The following TBC1D16 variants were observed in gnomAD, a reference collection of about 807,000 sequenced individuals.
The protein encoded by TBC1D16 is CTD-2529O21.1.
TBC1D16 carries 58 observed loss-of-function variants against 74.7 expected under a neutral mutation model. The ratio of observed to expected loss-of-function variants is 0.78; its 90% CI spans 0.63 to 0.97. TBC1D16 has a LOEUF of 0.97. Among genes scored for constraint, TBC1D16 ranks in the 50% least tolerant of loss-of-function variants. TBC1D16 has a pLI of 0.00. For synonymous variants in TBC1D16, 493 were observed against 474.7 expected, an observed-to-expected ratio of 1.04 and a Z score of -0.50; for missense variants, 1,014 against 1,079.5, an observed-to-expected ratio of 0.94 and a Z score of 0.85.
intron 3 of TBC1D16, among the ~76,000 whole-genome samples, chr17:79,978,111 G>T (rs1453842648): frequency 6.6e-6 from 1 of 152,170 alleles, no homozygotes; most frequent in East Asian, 1.9e-4. Flanking sequence ...GGTCGAGCTC[G>T]GGAGCGCCGA....
chr17:79,955,053 G>A (rs568952666), intron 3 of TBC1D16, among the ~76,000 whole-genome samples: 33 of 152,216 alleles, frequency 2.2e-4, no homozygotes, highest in African/African-American at 7.2e-4. Context: ...GGACACAGGG[G>A]CCACCACACA....
intron 1 of TBC1D16, among the ~76,000 whole-genome samples, chr17:80,023,480 AC>A (rs1326564301): frequency 6.7e-6 from 1 of 150,018 alleles, no homozygotes; most frequent in Non-Finnish European, 1.5e-5. Flanking sequence ...GCGGAGGCCC[AC>A]AGCCCCTGCG....
intron 3 of TBC1D16, among the ~76,000 whole-genome samples, chr17:79,997,142 G>A (rs7209428): frequency 0.33 from 50,147 of 151,906 alleles, 8,516 homozygotes; most frequent in Middle Eastern, 0.41. Flanking sequence ...GTGGTTCTGC[G>A]TCTAGCTAGT....
rs372336771 is a variant in TBC1D16 at position 80,026,408 on chromosome 17, G to A, written c.-63+9387C>T. ...CCACTGCACTCCAGCCTGGGTGACA[G>A]AGGGAGACTCTCTCTCCAAAACAAA... On this transcript the variant is annotated intron_variant, in intron 1 of 11. Coordinates refer to ENST00000310924, the MANE Select transcript of TBC1D16 (RefSeq NM_019020.4). Among the ~76,000 whole-genome samples the A allele has an allele frequency of 8.0e-4, 120 of 150,156 alleles. 5 individuals are homozygous for A. The East Asian group carries it at 0.019, about 24-fold the overall frequency.
intron 1 of TBC1D16, among the ~76,000 whole-genome samples, chr17:80,029,946 G>A (rs564853051): frequency 1.3e-5 from 2 of 152,006 alleles, no homozygotes; most frequent in Admixed American, 1.3e-4. Flanking sequence ...CCTTGCTCTC[G>A]ACCCCTTCCT....
Position 79,952,692 on chromosome 17 carries a change from G to A in TBC1D16, c.906C>T (p.Asp302=), listed in dbSNP as rs4889804. The change falls in exon 4 of 12, where the codon GAC becomes GAT. Residue 302 remains aspartate (D), a synonymous_variant. Coordinates refer to ENST00000310924, the MANE Select transcript of TBC1D16 (RefSeq NM_019020.4). ...GGCGGAGGGAGCGCATGTGGCCCAG[G>A]TCCACGCGGAACACGCCGCAAATCT... The part of the protein sequence containing the change: ...LEQICGVFRV[D]LGHMRSLRLF... 0.28 allele frequency: 455,148 copies of A among 1,606,646 alleles called. 67,485 individuals are homozygous for A. Among genetic ancestry groups the A allele is most frequent in the Non-Finnish European group, 0.31 (359,345 of 1,174,730 alleles).
At position 79,960,779 on chromosome 17, in the gene TBC1D16, C is replaced by CAAAAAAAAAAAAAAAAAAAAAAA. The variant is rs746450905; in HGVS notation, c.780-7984_780-7962dup. On this transcript the variant is annotated intron_variant, in intron 3 of 11. Transcript: ENST00000310924. ...CAAAAAAACCCAAAAAACAAAAACC[C>CAAAAAAAAAAAAAAAAAAAAAAA]AAAAAAAAAAAAAAAAAAAAAAAAA... is the stretch of plus-strand genomic sequence containing the variant. Among the ~76,000 whole-genome samples the CAAAAAAAAAAAAAAAAAAAAAAA allele has an allele frequency of 2.1e-4, 7 of 33,946 alleles. 2 individuals are homozygous for CAAAAAAAAAAAAAAAAAAAAAAA. Among genetic ancestry groups the CAAAAAAAAAAAAAAAAAAAAAAA allele is most frequent in the Non-Finnish European group, 3.9e-4 (7 of 18,146 alleles). The allele number at this position is 33,946 out of a possible 152,430, so 22.3% of individuals were successfully genotyped here.
intron 3 of TBC1D16, among the ~76,000 whole-genome samples, chr17:79,968,842 CAAAAAAAAAAAAAAAA>C (rs34365366): frequency 1.8e-5 from 1 of 55,392 alleles, no homozygotes; most frequent in Admixed American, 3.1e-4. Context: ...GATGCCGTCT[CAAAAAAAAAAAAAAAA>C]AAAAAAAAAG....
In TBC1D16 at chr17:79,958,056, G is replaced by A. The variant is rs145604683; in HGVS notation, c.780-5238C>T. 4.4e-3 allele frequency among the ~76,000 whole-genome samples: 670 copies of A among 152,056 alleles called. 3 individuals carry two copies. Among genetic ancestry groups the A allele is most frequent in the Middle Eastern group, 0.027 (8 of 294 alleles). On this transcript the variant is annotated intron_variant, in intron 3 of 11. Transcript: ENST00000310924. ...ATAATGAATAAAATTTCCAGGCCCA[G>A]GGTAATGAAATAAATGGAAATAGAA...
intron 2 of TBC1D16, among the ~76,000 whole-genome samples, chr17:80,012,175 G>A (rs1024856643): frequency 6.6e-6 from 1 of 152,180 alleles, no homozygotes; most frequent in South Asian, 2.1e-4. Flanking sequence ...AACAGGCTGG[G>A]AAATTTGGGG....
chr17:80,034,616 T>C (rs1318573745), intron 1 of TBC1D16, among the ~76,000 whole-genome samples: 19 of 152,264 alleles, frequency 1.2e-4, no homozygotes, highest in Admixed American at 1.2e-3. Context: ...CATCCATTAA[T>C]GAACTTTGTA....
At position 79,941,201 on chromosome 17, in the gene TBC1D16, A is replaced by G; in HGVS notation, c.2056-94T>C. 1 of 1,286,878 alleles carries G rather than the reference A, an allele frequency of 7.8e-7. No individual in the cohort carries two copies. Among genetic ancestry groups the G allele is most frequent in the Non-Finnish European group, 1.1e-6 (1 of 941,794 alleles). 79.7% of individuals were successfully genotyped at this position (1,286,878 alleles called of 1,614,324 possible). ...GTGGCCAAAGACAGCAACAGCAGCAACAACGGCCTGCACCTCGGGGGCTCA... is the reference window on the plus strand; with the variant it reads ...GTGGCCAAAGACAGCAACAGCAGCAGCAACGGCCTGCACCTCGGGGGCTCA... On this transcript the variant is annotated intron_variant, in intron 11 of 11. Coordinates refer to ENST00000310924, the MANE Select transcript of TBC1D16 (RefSeq NM_019020.4). This position sits in a 1 kb window ranked among gnomAD's most constrained non-coding sequence, Gnocchi z 4.3.
intron 9 of TBC1D16, among the ~76,000 whole-genome samples, chr17:79,946,372 ACG>A (rs2032539031): frequency 6.6e-6 from 1 of 152,176 alleles, no homozygotes; most frequent in South Asian, 2.1e-4. Flanking sequence ...CGCTGATCTG[ACG>A]GCAGGTGGAG....
At position 79,950,550 on chromosome 17, in the gene TBC1D16, T is replaced by G; in HGVS notation, c.1118A>C (p.Gln373Pro). 6.2e-7 allele frequency: 1 copy of G among 1,613,086 alleles called. No individual in the cohort carries two copies. Among genetic ancestry groups the G allele is most frequent in the East Asian group, 2.2e-5 (1 of 44,858 alleles). ...QQVAPDKTCM[Q>P]FSIRRPKLPS... ...CAGCTTGGGGCGGCGGATGGAGAAC[T>G]GCATGCATGTCTTATCGGGGGCGAC... Residue 373 changes from glutamine to proline, a missense_variant, in exon 6 of 12, where the codon CAG becomes CCG. Transcript: ENST00000310924. This position sits in a 1 kb window ranked among gnomAD's most constrained non-coding sequence, Gnocchi z 4.6.
rs1409609870 is a variant in TBC1D16, at chr17:80,001,336, G to A, written c.779+8824C>T. 6.6e-6 allele frequency among the ~76,000 whole-genome samples: 1 copy of A among 152,248 alleles called. No homozygotes were observed. Among genetic ancestry groups the A allele is most frequent in the Non-Finnish European group, 1.5e-5 (1 of 68,044 alleles). On this transcript the variant is annotated intron_variant, in intron 3 of 11. Transcript: ENST00000310924. This position sits in a 1 kb window ranked among gnomAD's most constrained non-coding sequence, Gnocchi z 5.8. ...GTGCTACAGAAACAAGACGAGATTAGTCTGAACGACACACAGAACAGATTG... is the reference window on the plus strand; with the variant it reads ...GTGCTACAGAAACAAGACGAGATTAATCTGAACGACACACAGAACAGATTG...
rs896140912 is a variant in TBC1D16, at chr17:79,941,932, C to T, written c.2055+128G>A. ...GTGGGGGAGGGCACGTGCTGGGGGG[C>T]CATGGTGGGGATGGGGCTCTGGGGG... On this transcript the variant is annotated intron_variant, in intron 11 of 11. Transcript: ENST00000310924. This position sits in a 1 kb window ranked among gnomAD's most constrained non-coding sequence, Gnocchi z 4.3. 9 of 826,754 alleles carry T rather than the reference C, an allele frequency of 1.1e-5. No individual in the cohort carries two copies. In the African/African-American group the frequency reaches 1.6e-4, roughly 14 times the overall value. The allele number at this position is 826,754 out of a possible 1,614,324, so 51.2% of individuals were successfully genotyped here. A position where few individuals can be genotyped will look rare whatever the true frequency, so the allele number is the denominator to read the frequency against.
chr17:79,989,667 G>A (rs939227772), intron 3 of TBC1D16, among the ~76,000 whole-genome samples: 7 of 152,232 alleles, frequency 4.6e-5, no homozygotes, highest in African/African-American at 1.2e-4. Flanking sequence ...GCCAAAGGCC[G>A]AGAGGCCAAG....
rs1219557065 is a variant in TBC1D16, at chr17:79,975,535, T to C, written c.780-22717A>G. Among the ~76,000 whole-genome samples, 5 of 152,164 alleles carry C rather than the reference T, an allele frequency of 3.3e-5. No individual in the cohort carries two copies. Among genetic ancestry groups the C allele is most frequent in the Admixed American group, 1.3e-4 (2 of 15,280 alleles). ...AGAATGGGACCGGGAGCAACCGCAA[T>C]GCCCTCTGGAGACCCAGCTCCTGAT... On this transcript the variant is annotated intron_variant, in intron 3 of 11. Transcript: ENST00000310924. The surrounding 1 kb of genome is among the most constrained non-coding windows in gnomAD (Gnocchi z 4.5).
rs577868313 is a variant in TBC1D16 at position 79,947,919 on chromosome 17, G to A, written c.1542-88C>T. On this transcript the variant is annotated intron_variant, in intron 8 of 11. Transcript: ENST00000310924. ...TGCAGAACCCTGGGCCGTGGACCCT[G>A]CCTTCCCTCGCTTGCCTTCACCTCA... 5 of 1,120,594 alleles carry A rather than the reference G, an allele frequency of 4.5e-6. No individual in the cohort carries two copies. The South Asian group carries it at 4.6e-5, about 10-fold the overall frequency. 69.4% of individuals were successfully genotyped at this position (1,120,594 alleles called of 1,614,324 possible).
Sources: allele counts gnomAD v4.1 joint callset (sites outside exome capture counted in the v4.1 genomes callset), GRCh38; gene constraint gnomAD v4.1.1; non-coding constraint Gnocchi (gnomAD v3.1); transcripts MANE v1.5; gene names NCBI Gene and HGNC (gene_info 2026-07-23, HGNC 2026-07-21).